Variants in DIS3L2 observed in about 807,000 individuals in gnomAD.
The protein encoded by DIS3L2 is DIS3-like exonuclease 2.
In DIS3L2, 34 loss-of-function variants were observed where a neutral mutation model predicts 97.5. That is an observed-to-expected ratio of 0.35 (90% CI 0.27 to 0.46). The LOEUF (loss-of-function observed/expected upper bound fraction) is 0.46. DIS3L2 is among the 20% of genes least tolerant of loss of function. The probability of loss-of-function intolerance (pLI) is 1.00; values close to 1 mark genes in which losing one functional copy is unlikely to be tolerated. For synonymous variants in DIS3L2, 435 were observed against 445.2 expected (o/e 0.98, Z 0.29); for missense variants, 1,038 against 1,146.0 (o/e 0.91, Z 1.36).
intron 14 of DIS3L2, among the ~76,000 whole-genome samples, chr2:232,328,019 G>A (rs1483589674): frequency 6.6e-6 from 1 of 152,210 alleles, no homozygotes; most frequent in Non-Finnish European, 1.5e-5. Context: ...ACCTGGGCTT[G>A]GGAGACTTGT....
In DIS3L2 at chr2:232,136,568, C is replaced by G. The variant is rs1312218951; in HGVS notation, c.799C>G (p.Leu267Val). The G allele has an allele frequency of 6.2e-7, 1 of 1,613,896 alleles. No individual in the cohort carries two copies. Among genetic ancestry groups the G allele is most frequent in the East Asian group, 2.2e-5 (1 of 44,878 alleles). The change falls in exon 8 of 21, where the codon CTG becomes GTG. Residue 267 changes from leucine (L) to valine (V), a missense_variant. Physicochemically the swap from Leu to Val is conservative, Grantham distance 32. This residue lies in a region of DIS3L2 where 813 missense variants were observed against 880.1 expected (regional missense o/e 0.92). Coordinates refer to ENST00000325385, the MANE Select transcript of DIS3L2 (RefSeq NM_152383.5). ...KNSELFRKYA[L>V]FSPSDHRVPR... ...CAGCGAACTGTTTAGGAAATACGCC[C>G]TGTTTTCTCCCTCAGACCACCGAGT... is the stretch of plus-strand genomic sequence containing the variant.
intron 1 of DIS3L2, among the ~76,000 whole-genome samples, chr2:231,999,869 A>G (rs1693830729): frequency 6.6e-6 from 1 of 152,188 alleles, no homozygotes; most frequent in Non-Finnish European, 1.5e-5. Flanking sequence ...ATGTTTTGCT[A>G]TATGTATACA....
intron 9 of DIS3L2, among the ~76,000 whole-genome samples, chr2:232,175,364 C>T (rs930256398): frequency 2.0e-5 from 3 of 152,126 alleles, no homozygotes; most frequent in African/African-American, 7.2e-5. Flanking sequence ...GGATAAATTT[C>T]ACCCTTGTCA....
chr2:231,966,723 G>A (rs770604590), intron 1 of DIS3L2, among the ~76,000 whole-genome samples: 4 of 115,242 alleles, frequency 3.5e-5, no homozygotes, highest in Non-Finnish European at 4.9e-5. Context: ...TGAAACTCTT[G>A]GCCTCAAGTG....
intron 5 of DIS3L2, among the ~76,000 whole-genome samples, chr2:232,073,162 A>G (rs1387336195): frequency 6.6e-6 from 1 of 152,174 alleles, no homozygotes; most frequent in Non-Finnish European, 1.5e-5. Flanking sequence ...TTTCCTGAAC[A>G]GTGTATTATC....
intron 3 of DIS3L2, among the ~76,000 whole-genome samples, chr2:232,016,461 T>C (rs1442962871): frequency 6.6e-6 from 1 of 151,926 alleles, no homozygotes; most frequent in Admixed American, 6.6e-5. Context: ...TGGCAAAATA[T>C]TGGGGGGAAA....
intron 9 of DIS3L2, among the ~76,000 whole-genome samples, chr2:232,187,220 C>A (rs540603293): frequency 1.3e-5 from 2 of 152,206 alleles, no homozygotes; most frequent in South Asian, 4.1e-4. Flanking sequence ...ACTGTACATT[C>A]ACTAGGATGG....
At chr2:232,099,043 T>C (rs1355410972) in intron 6 of DIS3L2, among the ~76,000 whole-genome samples, 3 of 152,218 alleles carry the variant, frequency 2.0e-5, no homozygotes, top group Non-Finnish European at 4.4e-5. Flanking sequence ...TGCTAAACTT[T>C]ATGATGCGCA....
intron 9 of DIS3L2, among the ~76,000 whole-genome samples, chr2:232,188,806 T>C (rs1371412015): frequency 6.6e-6 from 1 of 152,146 alleles, no homozygotes; most frequent in Non-Finnish European, 1.5e-5. Flanking sequence ...GAAAATTCTT[T>C]CTGCAGCTGG....
intron 4 of DIS3L2, 121 bp from the exon 5 acceptor site, chr2:232,029,858 C>T (rs1399428766): frequency 1.6e-5 from 11 of 691,838 alleles, no homozygotes; most frequent in East Asian, 8.3e-5. Context: ...TTATTTAATA[C>T]GAAAAAGGAT....
At chr2:232,223,957 G>T (rs1015594765) in intron 10 of DIS3L2, among the ~76,000 whole-genome samples, 14 of 152,110 alleles carry the variant, frequency 9.2e-5, no homozygotes, top group Non-Finnish European at 1.9e-4. Context: ...ATGTGGTGGT[G>T]CACGTCTATA....
Position 232,183,057 on chromosome 2 carries a change from G to A in DIS3L2, c.1124+19425G>A, listed in dbSNP as rs115774237. On this transcript the variant is annotated intron_variant, in intron 9 of 20. Transcript: ENST00000325385. ...AGTCAAGGGTAGAGCCCTCATGAACGGGATTAGTGCCCTTATAAAAAGAAG... is the reference window on the plus strand; with the variant it reads ...AGTCAAGGGTAGAGCCCTCATGAACAGGATTAGTGCCCTTATAAAAAGAAG... 5.4e-3 allele frequency among the ~76,000 whole-genome samples: 829 copies of A among 152,210 alleles called. 3 individuals are homozygous for A. Among genetic ancestry groups the A allele is most frequent in the African/African-American group, 9.4e-3 (391 of 41,536 alleles).
chr2:232,043,169 A>G (rs1695153842), intron 5 of DIS3L2, among the ~76,000 whole-genome samples: 1 of 152,182 alleles, frequency 6.6e-6, no homozygotes, highest in Non-Finnish European at 1.5e-5. Context: ...ACTGCCCATC[A>G]AGATCATCTA....
chr2:232,329,785 T>TCCCCGGGGGC, intron 14 of DIS3L2, 28 bp from the exon 15 acceptor site: 24 of 967,124 alleles, frequency 2.5e-5, no homozygotes, highest in East Asian at 9.3e-5. Context: ...ACCCCAGCGG[T>TCCCCGGGGGC]CCCTCCCATC....
chr2:232,206,340 A>G (rs1692025065), intron 9 of DIS3L2, among the ~76,000 whole-genome samples: 1 of 151,920 alleles, frequency 6.6e-6, no homozygotes. Flanking sequence ...GATCTAAAAC[A>G]GGGGTCAGCA....
intron 13 of DIS3L2, among the ~76,000 whole-genome samples, chr2:232,270,890 C>G (rs1170012751): frequency 1.3e-4 from 20 of 149,302 alleles, no homozygotes; most frequent in African/African-American, 4.6e-4. Flanking sequence ...CTCTCTCTCT[C>G]TCTCTCTCTC....
At chr2:232,277,965 A>G (rs1243436340) in intron 13 of DIS3L2, among the ~76,000 whole-genome samples, 2 of 151,516 alleles carry the variant, frequency 1.3e-5, no homozygotes. Context: ...TTATGGGACC[A>G]CTGGCAGATA....
chr2:232,309,026 G>A (rs577287874), intron 14 of DIS3L2, among the ~76,000 whole-genome samples: 2 of 152,244 alleles, frequency 1.3e-5, no homozygotes, highest in African/African-American at 2.4e-5. Flanking sequence ...GGGCAGGCCC[G>A]GGGCTTCCTT....
chr2:232,246,241 G>A (rs1258572022), intron 11 of DIS3L2, among the ~76,000 whole-genome samples: 3 of 152,240 alleles, frequency 2.0e-5, no homozygotes, highest in South Asian at 2.1e-4. Flanking sequence ...TCTGCCTGGG[G>A]GATTTTGGAT....
Sources: allele counts gnomAD v4.1 joint callset (sites outside exome capture counted in the v4.1 genomes callset), GRCh38; gene constraint gnomAD v4.1.1; regional missense constraint gnomAD v4.1.1; transcripts MANE v1.5; gene names NCBI Gene and HGNC (gene_info 2026-07-23, HGNC 2026-07-21).